TRPM3: variants seen among roughly 807,000 people sequenced by gnomAD.
TRPM3 encodes transient receptor potential cation channel subfamily M member 3, also known as long transient receptor potential channel 3.
Under a neutral mutation model 181.2 loss-of-function variants are expected in TRPM3, and 77 were observed. That is an observed-to-expected ratio of 0.42 (90% CI 0.35 to 0.51). The LOEUF is 0.51. Ranked by LOEUF, TRPM3 falls within the 20% of genes least tolerant of loss-of-function variation. TRPM3 has a pLI of 0.01. For synonymous variants in TRPM3, 745 were observed against 796.4 expected (o/e 0.94, Z 1.09); for missense variants, 1,759 against 2,196.7 (o/e 0.80, Z 3.98).
chr9:70,620,433 T>C, intron 15 of TRPM3, 68 bp from the exon 16 acceptor site: 1 of 1,501,930 alleles, frequency 6.7e-7, no homozygotes, highest in Admixed American at 1.9e-5. Flanking sequence ...AAGTAGCAGT[T>C]GTATATCTTC....
At chr9:71,088,057 C>T (rs987505198) in intron 1 of TRPM3, among the ~76,000 whole-genome samples, 2 of 151,938 alleles carry the variant, frequency 1.3e-5, no homozygotes, top group African/African-American at 4.8e-5. Flanking sequence ...GGGCTAGGTG[C>T]TAGAAATACA....
At chr9:71,261,806 C>T (rs2083074922) in intron 1 of TRPM3, among the ~76,000 whole-genome samples, 1 of 152,194 alleles carries the variant, frequency 6.6e-6, no homozygotes, top group South Asian at 2.1e-4. Flanking sequence ...ACTCCAGACC[C>T]TGTTTTCCTG....
At chr9:71,353,461 C>T (rs892956604) in intron 1 of TRPM3, among the ~76,000 whole-genome samples, 5 of 152,114 alleles carry the variant, frequency 3.3e-5, no homozygotes, top group African/African-American at 1.2e-4. Context: ...CTGAATGTCT[C>T]TATATCTATC....
intron 1 of TRPM3, among the ~76,000 whole-genome samples, chr9:70,884,029 G>C (rs1564681659): frequency 6.6e-6 from 1 of 152,028 alleles, no homozygotes; most frequent in Non-Finnish European, 1.5e-5. Flanking sequence ...TGTGGGTCTT[G>C]ATGTCCCAAG....
At chr9:70,632,460 C>G (rs1212421103) in intron 12 of TRPM3, among the ~76,000 whole-genome samples, 1 of 152,186 alleles carries the variant, frequency 6.6e-6, no homozygotes, top group Non-Finnish European at 1.5e-5. Context: ...CAGATACTTA[C>G]CTTAGTCCTG....
At chr9:71,047,486 C>T (rs956787015) in intron 1 of TRPM3, among the ~76,000 whole-genome samples, 9 of 151,996 alleles carry the variant, frequency 5.9e-5, no homozygotes, top group East Asian at 1.9e-4. Flanking sequence ...TAAGAATGTA[C>T]GCATGTCACA....
chr9:70,806,451 C>T (rs1033366141), intron 6 of TRPM3, among the ~76,000 whole-genome samples: 3 of 152,102 alleles, frequency 2.0e-5, no homozygotes, highest in Non-Finnish European at 4.4e-5. Flanking sequence ...CCAGCACTTT[C>T]GGAGGATGAG....
intron 1 of TRPM3, among the ~76,000 whole-genome samples, chr9:70,974,687 C>A (rs940920384): frequency 6.6e-6 from 1 of 151,786 alleles, no homozygotes; most frequent in Non-Finnish European, 1.5e-5. Context: ...CGAGATCACA[C>A]GACTGCACTC....
intron 8 of TRPM3, among the ~76,000 whole-genome samples, chr9:70,750,706 C>A: frequency 6.6e-6 from 1 of 152,112 alleles, no homozygotes; most frequent in East Asian, 1.9e-4. Context: ...GGAACTGAAG[C>A]TTTCAAGACT....
intron 8 of TRPM3, among the ~76,000 whole-genome samples, chr9:70,738,413 A>T (rs775535404): frequency 7.2e-5 from 11 of 152,162 alleles, no homozygotes; most frequent in Admixed American, 1.3e-4. Flanking sequence ...AAAAAAAATC[A>T]AGATGGAAAT....
chr9:70,881,903 C>G (rs2096000933), intron 1 of TRPM3, among the ~76,000 whole-genome samples: 1 of 152,122 alleles, frequency 6.6e-6, no homozygotes. Flanking sequence ...TGTGTCTCCT[C>G]TGATTGCTAA....
chr9:71,038,835 G>A (rs2058503371), intron 1 of TRPM3, among the ~76,000 whole-genome samples: 1 of 151,976 alleles, frequency 6.6e-6, no homozygotes, highest in Admixed American at 6.6e-5. Flanking sequence ...TGAGGAGTGG[G>A]GATCACATTC....
At chr9:70,842,331 G>T (rs1172928015) in intron 5 of TRPM3, among the ~76,000 whole-genome samples, 1 of 152,050 alleles carries the variant, frequency 6.6e-6, no homozygotes, top group African/African-American at 2.4e-5. Context: ...GATTTGCAAA[G>T]GGCAGGACAG....
intron 1 of TRPM3, among the ~76,000 whole-genome samples, chr9:70,983,077 T>C (rs935054022): frequency 6.6e-6 from 1 of 152,150 alleles, no homozygotes; most frequent in South Asian, 2.1e-4. Flanking sequence ...TGTGCCATCA[T>C]GGTAGCATTT....
chr9:71,378,245 A>G (rs2092711947), intron 1 of TRPM3, among the ~76,000 whole-genome samples: 1 of 152,130 alleles, frequency 6.6e-6, no homozygotes, highest in African/African-American at 2.4e-5. Context: ...GATACAATTA[A>G]ATCACAGTAA....
intron 1 of TRPM3, among the ~76,000 whole-genome samples, chr9:71,037,489 T>C (rs765088243): frequency 5.3e-5 from 8 of 152,252 alleles, no homozygotes; most frequent in South Asian, 2.1e-4. Context: ...GCATATAATA[T>C]ATGGCTTCAA....
chr9:70,608,588 C>A (rs927827409), intron 19 of TRPM3, among the ~76,000 whole-genome samples: 2 of 152,156 alleles, frequency 1.3e-5, no homozygotes, highest in African/African-American at 4.8e-5. Context: ...GTAATCCCAG[C>A]ACTTTGGTAG....
At chr9:71,362,716 A>G (rs981032925) in intron 1 of TRPM3, among the ~76,000 whole-genome samples, 1 of 152,228 alleles carries the variant, frequency 6.6e-6, no homozygotes, top group African/African-American at 2.4e-5. Flanking sequence ...CTTGTAATTA[A>G]ATACATTTTC....
At position 70,762,150 on chromosome 9, in the gene TRPM3, T is replaced by C. The variant is rs567091996; in HGVS notation, c.1149-426A>G. 1.6e-4 allele frequency among the ~76,000 whole-genome samples: 25 copies of C among 152,300 alleles called. 1 individual carries two copies. In the South Asian group the frequency reaches 5.0e-3, roughly 30 times the overall value. ...TTTAAATTGCAGCGTCATGTCTAATTGTGGAAATAAAGACAGTATTTCATT... is the reference window on the plus strand; with the variant it reads ...TTTAAATTGCAGCGTCATGTCTAATCGTGGAAATAAAGACAGTATTTCATT... On this transcript the variant is annotated intron_variant, in intron 7 of 25. Transcript: ENST00000677713.
Sources: gnomAD v4.1 joint callset for allele counts (sites outside exome capture counted in the v4.1 genomes callset) on GRCh38, gnomAD v4.1.1 for gene constraint, MANE v1.5 for transcripts, NCBI Gene and HGNC (gene_info 2026-07-23, HGNC 2026-07-21) for gene names.